Variants in NHS observed in about 807,000 individuals in gnomAD.
NHS encodes actin remodeling regulator NHS.
NHS carries 5 observed loss-of-function variants against 72.5 expected under a neutral mutation model. That is an observed-to-expected ratio of 0.07 (90% CI 0.04 to 0.14). NHS has a LOEUF of 0.14. NHS is among the 10% of genes least tolerant of loss of function. NHS has a pLI of 1.00. For synonymous variants in NHS, 464 were observed against 547.7 expected, an observed-to-expected ratio of 0.85 and a Z score of 2.13; for missense variants, 1,072 against 1,355.7, an observed-to-expected ratio of 0.79 and a Z score of 3.29.
Position 17,726,916 on chromosome X carries a change from A to G in NHS, c.2810A>G (p.Asp937Gly). ...LDASDIPPFK[D>G]EVAESTHYAD... is the part of the protein sequence containing the mutation. The stretch of plus-strand genomic sequence containing the variant: ...GCTTCGGATATTCCACCATTCAAAG[A>G]TGAAGTTGCCGAATCCACACACTAT... Residue 937 changes from aspartate to glycine, a missense_variant, in exon 7 of 9, where the codon GAT (aspartate) becomes GGT (glycine). Physicochemically the swap from Asp to Gly is moderately conservative, Grantham distance 94 (BLOSUM62 -1). Transcript: ENST00000676302. The G allele has an allele frequency of 8.3e-7, 1 of 1,211,817 alleles. No homozygotes were observed. The highest frequency in any genetic ancestry group is 1.1e-6 in the Non-Finnish European group (1 of 895,533).
intron 1 of NHS, chrX:17,557,109 T>TTGTGTGTGTGTGTG (rs56659086): frequency 2.3e-5 from 2 of 87,675 alleles, no homozygotes; most frequent in African/African-American, 8.7e-5. Flanking sequence ...AAGGGGGATT[T>TTGTGTGTGTGTGTG]TGTGTGTGTG....
intron 1 of NHS, among the ~76,000 whole-genome samples, chrX:17,682,781 T>A (rs939849549): frequency 9.0e-6 from 1 of 110,576 alleles, no homozygotes; most frequent in Admixed American, 9.6e-5. Flanking sequence ...CCCGGGGGCA[T>A]AAAGCTGTAA....
chrX:17,632,154 G>C (rs766724554), intron 1 of NHS, among the ~76,000 whole-genome samples: 2 of 111,809 alleles, frequency 1.8e-5, no homozygotes, highest in Admixed American at 9.5e-5. Flanking sequence ...GAAAGAGAAG[G>C]AGAATGTGGA....
At chrX:17,607,919 C>CT (rs749347077) in intron 1 of NHS, among the ~76,000 whole-genome samples, 1,222 of 92,178 alleles carry the variant, frequency 0.013, 13 homozygotes, top group African/African-American at 0.025. Context: ...CTTTTCTTTT[C>CT]TTTTTTTTTT....
chrX:17,731,846 C>T lies in NHS; in HGVS notation c.4350-12C>T, dbSNP rs2066488884. On this transcript the variant is annotated splice_polypyrimidine_tract_variant and intron_variant, in intron 8 of 8. Transcript: ENST00000676302. ...AGTGAGATGTTTGCCCCATTTTCTC[C>T]TTTTCTCAAAGATCCAAGAGGAAAG... 8.5e-7 allele frequency: 1 copy of T among 1,176,431 alleles called. No individual in the cohort carries two copies. The highest frequency in any genetic ancestry group is 3.0e-5 in the East Asian group (1 of 33,525).
chrX:17,673,177 AACACACACACACAC>A lies in NHS; in HGVS notation c.566-14517_566-14504del, dbSNP rs56271300. On this transcript the variant is annotated intron_variant, in intron 1 of 8. Transcript: ENST00000676302. The stretch of plus-strand genomic sequence containing the variant: ...AGACCATTGCTTAGCTGGAAGATGA[AACACACACACACAC>A]ACACACACACACACACACACACACA... Among the ~76,000 whole-genome samples, 557 of 65,507 alleles carry A rather than the reference AACACACACACACAC, an allele frequency of 8.5e-3. 2 individuals carry two copies. Among genetic ancestry groups the A allele is most frequent in the Middle Eastern group, 0.038 (4 of 106 alleles). The allele number at this position is 65,507 out of a possible 115,157, so 56.9% of individuals were successfully genotyped here. A position where few individuals can be genotyped will look rare whatever the true frequency, so the allele number is the denominator to read the frequency against.
intron 1 of NHS, among the ~76,000 whole-genome samples, chrX:17,381,346 C>A (rs1438960928): frequency 9.0e-6 from 1 of 111,499 alleles, no homozygotes; most frequent in Non-Finnish European, 1.9e-5. Context: ...CATAAGTGTT[C>A]GTCTTGGTTG....
At chrX:17,714,291 A>T (rs1197778299) in intron 3 of NHS, among the ~76,000 whole-genome samples, 1 of 110,892 alleles carries the variant, frequency 9.0e-6, no homozygotes, top group Non-Finnish European at 1.9e-5. Flanking sequence ...GTTTGTTTCC[A>T]CTGGGGCCAA....
At chrX:17,581,985 A>G (rs1245119834) in intron 1 of NHS, among the ~76,000 whole-genome samples, 1 of 111,820 alleles carries the variant, frequency 8.9e-6, no homozygotes, top group Non-Finnish European at 1.9e-5. Flanking sequence ...GGCTCTGCTG[A>G]AAGTCACCAA....
chrX:17,454,190 A>G (rs963795280), intron 1 of NHS, among the ~76,000 whole-genome samples: 1 of 112,061 alleles, frequency 8.9e-6, no homozygotes, highest in Non-Finnish European at 1.9e-5. Flanking sequence ...CTGTTGATTT[A>G]TAGGCTATTT....
intron 1 of NHS, among the ~76,000 whole-genome samples, chrX:17,526,277 T>C (rs768429636): frequency 8.9e-6 from 1 of 112,520 alleles, no homozygotes; most frequent in African/African-American, 3.2e-5. Context: ...CAGGTGGTTG[T>C]AGCTGGGCTA....
At position 17,726,187 on chromosome X, in the gene NHS, T is replaced by G. The variant is rs750333914; in HGVS notation, c.2081T>G (p.Val694Gly). The G allele has an allele frequency of 3.3e-6, 4 of 1,210,337 alleles. No individual in the cohort carries two copies. The highest frequency in any genetic ancestry group is 4.5e-6 in the Non-Finnish European group (4 of 895,290). ...CAATACAATGACCACTTGGATAAAG[T>G]GAGAGGCCATCGGGCAAACTCCTTT... ...TEQYNDHLDK[V>G]RGHRANSFTS... The change falls in exon 7 of 9, where the codon GTG (valine) becomes GGG (glycine). Residue 694 changes from valine to glycine, a missense_variant. Transcript: ENST00000676302.
intron 1 of NHS, among the ~76,000 whole-genome samples, chrX:17,388,898 G>T (rs1021842065): frequency 2.7e-5 from 3 of 110,433 alleles, no homozygotes; most frequent in Non-Finnish European, 5.7e-5. Context: ...GTATTGAGAA[G>T]TAGAGCTGTT....
intron 1 of NHS, chrX:17,587,013 A>G (rs1324031675): frequency 8.9e-6 from 1 of 112,340 alleles, no homozygotes; most frequent in East Asian, 2.8e-4. Context: ...ACCTGGGACA[A>G]TGCTGATTTA....
chrX:17,538,803 T>C (rs1275440838), intron 1 of NHS, among the ~76,000 whole-genome samples: 1 of 111,928 alleles, frequency 8.9e-6, no homozygotes, highest in African/African-American at 3.3e-5. Flanking sequence ...TCAAAACCGC[T>C]TTTCTTTGCT....
At position 17,417,152 on chromosome X, in the gene NHS, A is replaced by G. The variant is rs556767927; in HGVS notation, c.565+40830A>G. Among the ~76,000 whole-genome samples, 12 of 109,316 alleles carry G rather than the reference A, an allele frequency of 1.1e-4. No individual in the cohort carries two copies. In the South Asian group the frequency reaches 1.2e-3, roughly 11 times the overall value. The allele number at this position is 109,316 out of a possible 115,157, so 94.9% of individuals were successfully genotyped here. ...GAGTTTCAAAGACACAAAAACTAAG[A>G]TTTTTTTTTAAATTGAAGTATTGCA... On this transcript the variant is annotated intron_variant, in intron 1 of 8. Transcript: ENST00000676302.
At chrX:17,511,816 T>C (rs933255506) in intron 1 of NHS, among the ~76,000 whole-genome samples, 1 of 109,370 alleles carries the variant, frequency 9.1e-6, no homozygotes, top group African/African-American at 3.3e-5. Flanking sequence ...CTCATTGCCT[T>C]CCTGGGGACT....
chrX:17,455,215 C>T (rs2064821127), intron 1 of NHS, among the ~76,000 whole-genome samples: 1 of 111,564 alleles, frequency 9.0e-6, no homozygotes, highest in Non-Finnish European at 1.9e-5. Context: ...TGTAGTTTCT[C>T]ATACAAAAAA....
At chrX:17,578,219 G>A (rs1180660939) in intron 1 of NHS, among the ~76,000 whole-genome samples, 1 of 112,482 alleles carries the variant, frequency 8.9e-6, no homozygotes, top group Non-Finnish European at 1.9e-5. Context: ...AATACCTCAT[G>A]TTAAAGACTT....
Sources: gnomAD v4.1 joint callset for allele counts (sites outside exome capture counted in the v4.1 genomes callset) on GRCh38, gnomAD v4.1.1 for gene constraint, MANE v1.5 for transcripts, NCBI Gene and HGNC (gene_info 2026-07-23, HGNC 2026-07-21) for gene names.